PREX1: variants seen among roughly 807,000 people sequenced by gnomAD.
PREX1 encodes the protein phosphatidylinositol-3,4,5-trisphosphate dependent Rac exchange factor 1, also known as phosphatidylinositol 3,4,5-trisphosphate-dependent Rac exchanger 1 protein.
PREX1 carries 41 observed loss-of-function variants against 198.3 expected under a neutral mutation model. The ratio of observed to expected loss-of-function variants is 0.21; its 90% CI spans 0.16 to 0.27. The LOEUF (loss-of-function observed/expected upper bound fraction) is 0.27. Among genes scored for constraint, PREX1 ranks in the 10% least tolerant of loss-of-function variants. The pLI is 1.00. For missense variants in PREX1, 1,620 were observed against 2,200.7 expected (o/e 0.74, Z 5.28); for synonymous variants, 843 against 887.2 (o/e 0.95, Z 0.89).
At chr20:48,667,543 C>T (rs1227727296) in intron 14 of PREX1, among the ~76,000 whole-genome samples, 4 of 152,216 alleles carry the variant, frequency 2.6e-5, no homozygotes, top group Non-Finnish European at 5.9e-5. Flanking sequence ...CACAAACCAG[C>T]CCTGGAACCA....
intron 1 of PREX1, among the ~76,000 whole-genome samples, chr20:48,772,384 G>A (rs1163113178): frequency 6.6e-6 from 1 of 152,144 alleles, no homozygotes; most frequent in Non-Finnish European, 1.5e-5. Flanking sequence ...CCCTGTTTCT[G>A]GTGAATCAGG....
intron 1 of PREX1, among the ~76,000 whole-genome samples, chr20:48,768,114 T>C (rs2090217513): frequency 6.6e-6 from 1 of 152,138 alleles, no homozygotes; most frequent in Non-Finnish European, 1.5e-5. Flanking sequence ...GAGGTGAAGT[T>C]CCATAAGCCT....
chr20:48,809,933 C>T (rs1414810875), intron 1 of PREX1, among the ~76,000 whole-genome samples: 3 of 152,182 alleles, frequency 2.0e-5, no homozygotes, highest in African/African-American at 7.2e-5. Flanking sequence ...GTCTGGGAAA[C>T]AGATTCGCAC....
chr20:48,741,505 G>A (rs1158896151), intron 3 of PREX1, among the ~76,000 whole-genome samples: 2 of 152,136 alleles, frequency 1.3e-5, no homozygotes, highest in Non-Finnish European at 2.9e-5. Context: ...AACTACAGGT[G>A]CACATTACCA....
At chr20:48,629,281 C>T (rs79745695) in intron 37 of PREX1, among the ~76,000 whole-genome samples, 168 bp downstream of exon 37, 1,673 of 152,316 alleles carry the variant, frequency 0.011, 16 homozygotes, top group Non-Finnish European at 0.017. Context: ...GCTGCCATTC[C>T]GTTTCACAGA....
intron 1 of PREX1, among the ~76,000 whole-genome samples, chr20:48,817,464 T>G (rs1310530183): frequency 6.6e-6 from 1 of 152,230 alleles, no homozygotes; most frequent in Non-Finnish European, 1.5e-5. Flanking sequence ...CACTAATTAC[T>G]GGGGCCTGCT....
At chr20:48,760,028 C>A in intron 1 of PREX1, among the ~76,000 whole-genome samples, 1 of 151,838 alleles carries the variant, frequency 6.6e-6, no homozygotes, top group African/African-American at 2.4e-5. Flanking sequence ...GAGAGCATCA[C>A]TTCAGCCTAG....
intron 3 of PREX1, among the ~76,000 whole-genome samples, chr20:48,744,731 G>C (rs1207533737): frequency 6.6e-6 from 1 of 152,210 alleles, no homozygotes; most frequent in Non-Finnish European, 1.5e-5. Context: ...GTGGCAGAGG[G>C]GCCCCGCCAG....
At chr20:48,634,912 C>A in intron 32 of PREX1, 137 bp from the exon 33 acceptor site, 1 of 674,582 alleles carries the variant, frequency 1.5e-6, no homozygotes, top group Non-Finnish European at 2.7e-6. Context: ...GCGTGACTCT[C>A]CAGAGTGGAT....
chr20:48,778,149 C>CA lies in PREX1; in HGVS notation c.220-30270dup, dbSNP rs973160723. Among the ~76,000 whole-genome samples the CA allele has an allele frequency of 6.6e-5, 10 of 150,654 alleles. No homozygotes were observed. The East Asian group carries it at 1.5e-3, about 23-fold the overall frequency. ...CAGAAATTGGAAAGCCATATTTTTGCAAAAAAAAGTCCTACTTTTAAAACC... is the reference window on the plus strand; with the variant it reads ...CAGAAATTGGAAAGCCATATTTTTGCAAAAAAAAAGTCCTACTTTTAAAACC... On this transcript the variant is annotated intron_variant, in intron 1 of 39. Coordinates refer to ENST00000371941, the MANE Select transcript of PREX1 (RefSeq NM_020820.4).
chr20:48,874,372 CGTGTGTGTGTGTGTGTGTGTGTGTGTGT>C, the PREX1 span, among the ~76,000 whole-genome samples: 3 of 127,988 alleles, frequency 2.3e-5, no homozygotes, highest in South Asian at 5.6e-4. Context: ...GAGGGGTGTC[CGTGTGTGTGTGTGTGTGTGTGTGTGTGT>C]GTGTGTGTGT....
At chr20:48,714,042 A>T (rs2089950173) in intron 5 of PREX1, among the ~76,000 whole-genome samples, 1 of 152,230 alleles carries the variant, frequency 6.6e-6, no homozygotes, top group African/African-American at 2.4e-5. Flanking sequence ...ATGTGCAACA[A>T]AATGAGGCTG....
chr20:48,736,066 T>C lies in PREX1; in HGVS notation c.415-1416A>G, dbSNP rs4810870. 1.5e-3 allele frequency among the ~76,000 whole-genome samples: 223 copies of C among 152,262 alleles called. 4 individuals are homozygous for C. The highest frequency in any genetic ancestry group is 0.014 in the East Asian group (71 of 5,182). On this transcript the variant is annotated intron_variant, in intron 3 of 39. Coordinates refer to ENST00000371941, the MANE Select transcript of PREX1 (RefSeq NM_020820.4). ...TTCCTCACCTGCAAAATGGACATCA[T>C]AACTGACCTTCAACACTTAGGATGC... is the stretch of plus-strand genomic sequence containing the variant.
In PREX1 at chr20:48,659,411, C is replaced by T. The variant is rs925045154; in HGVS notation, c.1881+508G>A. 5.9e-5 allele frequency among the ~76,000 whole-genome samples: 9 copies of T among 151,570 alleles called. No individual in the cohort carries two copies. The East Asian group carries it at 1.2e-3, about 20-fold the overall frequency. ...AGGTTTAATTTTATCCTAAGTGTGA[C>T]GGGAAGCATTGGGGGACTTTACAGT... On this transcript the variant is annotated intron_variant, in intron 16 of 39. Coordinates refer to ENST00000371941, the MANE Select transcript of PREX1 (RefSeq NM_020820.4).
intron 5 of PREX1, among the ~76,000 whole-genome samples, chr20:48,709,910 C>T (rs1233735982): frequency 2.0e-5 from 3 of 151,698 alleles, no homozygotes; most frequent in Non-Finnish European, 2.9e-5. Flanking sequence ...CTTCCCTGTC[C>T]GAAAACAAAC....
the PREX1 span, among the ~76,000 whole-genome samples, chr20:48,867,141 C>A: frequency 6.6e-6 from 1 of 152,232 alleles, no homozygotes; most frequent in Non-Finnish European, 1.5e-5. Context: ...CCCAGCCCAG[C>A]CTCAAGCCCA....
At chr20:48,724,210 T>C (rs1450025091) in intron 5 of PREX1, among the ~76,000 whole-genome samples, 1 of 152,186 alleles carries the variant, frequency 6.6e-6, no homozygotes, top group African/African-American at 2.4e-5. Context: ...CTAATCATGA[T>C]TCTACTGCTT....
Position 48,636,448 on chromosome 20 carries a change from G to A in PREX1, c.4167+15C>T, listed in dbSNP as rs575819587. Reference sequence around the variant, plus strand: ...GGTGGGCCAGCGGGGCCGCCCTCCCGCCCCACTCACTCACCACTGTGGCTG... The same window carrying A: ...GGTGGGCCAGCGGGGCCGCCCTCCCACCCCACTCACTCACCACTGTGGCTG... On this transcript the variant is annotated intron_variant, in intron 32 of 39. Transcript: ENST00000371941. The A allele has an allele frequency of 1.6e-5, 26 of 1,591,438 alleles. No individual in the cohort carries two copies. The highest frequency in any genetic ancestry group is 1.2e-4 in the African/African-American group (9 of 74,740).
At chr20:48,647,199 T>C (rs1192743367) in intron 25 of PREX1, among the ~76,000 whole-genome samples, 1 of 151,644 alleles carries the variant, frequency 6.6e-6, no homozygotes, top group African/African-American at 2.4e-5. Context: ...CATCACACTC[T>C]AGCCTGGTGA....
Sources: allele counts gnomAD v4.1 joint callset (sites outside exome capture counted in the v4.1 genomes callset), GRCh38; gene constraint gnomAD v4.1.1; transcripts MANE v1.5; gene names NCBI Gene and HGNC (gene_info 2026-07-23, HGNC 2026-07-21).